MYOF: variants seen among roughly 807,000 people sequenced by gnomAD.
MYOF encodes the protein myoferlin, also known as fer-1-like 3, myoferlin.
A neutral mutation model predicts 284.2 loss-of-function variants in MYOF; 244 were observed. That is an observed-to-expected ratio of 0.86 (90% CI 0.77 to 0.95). The LOEUF is 0.95. Among genes scored for constraint, MYOF ranks in the 40% least tolerant of loss-of-function variants. MYOF has a pLI of 0.00. For missense variants in MYOF, 2,496 were observed against 2,560.6 expected (o/e 0.97, Z 0.54); for synonymous variants, 904 against 919.7 (o/e 0.98, Z 0.31).
chr10:93,409,650 C>T lies in MYOF; in HGVS notation c.523G>A (p.Glu175Lys). 1.9e-6 allele frequency: 3 copies of T among 1,614,236 alleles called. No homozygotes were observed. The highest frequency in any genetic ancestry group is 2.5e-6 in the Non-Finnish European group (3 of 1,180,048). ...GTGAGCCTCCGAGCAAGCTGAGCTT[C>T]CGACACCGTCCCAACTGGCCCCTTG... Reference protein sequence around the residue: ...GPKGPVGTVSEAQLARRLTKV... With the variant: ...GPKGPVGTVSKAQLARRLTKV... The change falls in exon 6 of 54, where the codon GAA becomes AAA. Residue 175 changes from glutamate to lysine, a missense_variant. Around this residue, in one of 3 missense-constraint regions of MYOF, gnomAD observed 2,436 missense variants for 2,480.7 expected, o/e 0.98. Coordinates refer to ENST00000359263, the MANE Select transcript of MYOF (RefSeq NM_013451.4).
At chr10:93,432,249 G>T (rs1848906093) in intron 3 of MYOF, among the ~76,000 whole-genome samples, 1 of 152,050 alleles carries the variant, frequency 6.6e-6, no homozygotes, top group Non-Finnish European at 1.5e-5. Flanking sequence ...TTAATGGGGT[G>T]TGATGATGCA....
chr10:93,419,311 T>C (rs1441504131), intron 5 of MYOF, among the ~76,000 whole-genome samples: 1 of 152,236 alleles, frequency 6.6e-6, no homozygotes, highest in East Asian at 1.9e-4. Context: ...TACAGATGCA[T>C]GCAACCACGC....
intron 3 of MYOF, among the ~76,000 whole-genome samples, chr10:93,438,214 G>GC: frequency 6.6e-6 from 1 of 151,930 alleles, no homozygotes. Flanking sequence ...CTCCTCCTTG[G>GC]CTATCAATTC....
At chr10:93,426,385 G>A (rs981716919) in intron 4 of MYOF, among the ~76,000 whole-genome samples, 4 of 152,158 alleles carry the variant, frequency 2.6e-5, no homozygotes, top group African/African-American at 9.7e-5. Flanking sequence ...AGGTTGCCAA[G>A]TGTATCCTTG....
At chr10:93,313,315 T>G in intron 50 of MYOF, 105 bp from the exon 51 acceptor site, 1 of 1,107,904 alleles carries the variant, frequency 9.0e-7, no homozygotes, top group Non-Finnish European at 1.3e-6. Context: ...ACAGTGATTT[T>G]GAACAGGTAA....
intron 38 of MYOF, among the ~76,000 whole-genome samples, chr10:93,342,179 C>A (rs1843953891): frequency 6.6e-6 from 1 of 152,202 alleles, no homozygotes; most frequent in South Asian, 2.1e-4. Context: ...CCTCCAGCCC[C>A]CAGCAACAGC....
intron 37 of MYOF, 51 bp downstream of exon 37, chr10:93,347,566 A>AAAAAAAAAAAAT (rs761936617): frequency 3.6e-4 from 437 of 1,219,752 alleles, no homozygotes; most frequent in East Asian, 2.0e-3. Flanking sequence ...CTCAAAAAAA[A>AAAAAAAAAAAAT]AAAAAAAAAA....
chr10:93,366,310 A>G (rs1309724956), intron 26 of MYOF, 82 bp downstream of exon 26: 1 of 1,410,780 alleles, frequency 7.1e-7, no homozygotes, highest in African/African-American at 1.4e-5. Context: ...TATCAAGATG[A>G]TGACGGAGAT....
At chr10:93,372,846 T>G (rs1845652074) in intron 24 of MYOF, 84 bp downstream of exon 24, 1 of 1,491,386 alleles carries the variant, frequency 6.7e-7, no homozygotes, top group Non-Finnish European at 9.3e-7. Context: ...ATTCAATGAT[T>G]TGCAAATGAT....
chr10:93,338,301 G>A (rs1005962517), intron 39 of MYOF: 1 of 458,362 alleles, frequency 2.2e-6, no homozygotes, highest in African/African-American at 2.0e-5. Flanking sequence ...CATTTTCTTA[G>A]CCCTTTTAGC....
At chr10:93,353,736 G>T in intron 32 of MYOF, 75 bp downstream of exon 32, 1 of 1,224,982 alleles carries the variant, frequency 8.2e-7, no homozygotes, top group Non-Finnish European at 1.2e-6. Context: ...ATGACAAAAA[G>T]CATTCACTCG....
At chr10:93,378,667 A>G (rs1323836524) in intron 21 of MYOF, among the ~76,000 whole-genome samples, 1 of 116,954 alleles carries the variant, frequency 8.6e-6, no homozygotes, top group Non-Finnish European at 1.7e-5. Context: ...GTATATGTGT[A>G]TATGTGTGTG....
intron 7 of MYOF, among the ~76,000 whole-genome samples, 154 bp from the exon 8 acceptor site, chr10:93,404,373 A>T (rs935954398): frequency 1.3e-5 from 2 of 152,258 alleles, no homozygotes; most frequent in Admixed American, 1.3e-4. Flanking sequence ...CCTGGAGTTT[A>T]AGCCCTGCAG....
intron 44 of MYOF, 118 bp from the exon 45 acceptor site, chr10:93,329,029 C>T (rs762761947): frequency 2.5e-5 from 25 of 989,522 alleles, no homozygotes; most frequent in Middle Eastern, 3.7e-4. Context: ...AGAAAATCTG[C>T]GCTACACTCT....
In MYOF at chr10:93,349,984, T is replaced by G; in HGVS notation, c.3922-15A>C. 6 of 1,610,670 alleles carry G rather than the reference T, an allele frequency of 3.7e-6. No individual in the cohort carries two copies. The highest frequency in any genetic ancestry group is 5.1e-6 in the Non-Finnish European group (6 of 1,178,258). On this transcript the variant is annotated splice_polypyrimidine_tract_variant and intron_variant, in intron 35 of 53. Coordinates refer to ENST00000359263, the MANE Select transcript of MYOF (RefSeq NM_013451.4). ...CAAGCTAGAATCTATGAAAACGATT[T>G]AAAGAGAGGGGAAGGTAACTCAGCA...
intron 19 of MYOF, among the ~76,000 whole-genome samples, chr10:93,385,884 G>A (rs1846341267): frequency 6.7e-6 from 1 of 150,068 alleles, no homozygotes; most frequent in Admixed American, 6.6e-5. Context: ...AATGAAATAA[G>A]CTTCTTTGCC....
chr10:93,334,189 T>C (rs959635942), intron 41 of MYOF, among the ~76,000 whole-genome samples: 3 of 152,232 alleles, frequency 2.0e-5, no homozygotes, highest in South Asian at 4.1e-4. Context: ...GAGGTGGTGG[T>C]GAGAAAGAGT....
Position 93,333,291 on chromosome 10 carries a change from TTA to T in MYOF, c.4739_4740del (p.Ile1580AsnfsTer8). 1 of 1,614,122 alleles carries T rather than the reference TTA, an allele frequency of 6.2e-7. No individual in the cohort carries two copies. The highest frequency in any genetic ancestry group is 8.5e-7 in the Non-Finnish European group (1 of 1,179,958). ...TCTTCAATGACTTTTTTGCCCAGTG[TTA>T]TTTTTATGTAAGGGTCACACTGTGG... ...NNGLCDPYIK[I>X]TLGKKVIEDR... is the part of the protein sequence containing the mutation. On this transcript the variant is annotated frameshift_variant, in exon 43 of 54. Coordinates refer to ENST00000359263, the MANE Select transcript of MYOF (RefSeq NM_013451.4). LOFTEE classifies it high-confidence loss of function.
chr10:93,316,574 T>C lies in MYOF; in HGVS notation c.5698+140A>G, dbSNP rs1220581060. ...CACTGCCAAGAGCTCACACAAGCAC[T>C]GGGTGTATCCCCTGTCCCCCCACCA... On this transcript the variant is annotated intron_variant, in intron 50 of 53. Coordinates refer to ENST00000359263, the MANE Select transcript of MYOF (RefSeq NM_013451.4). 1.8e-5 allele frequency: 13 copies of C among 715,396 alleles called. No individual in the cohort carries two copies. In the East Asian group the frequency reaches 2.9e-4, roughly 16 times the overall value. The allele number at this position is 715,396 out of a possible 1,614,324, so 44.3% of individuals were successfully genotyped here. A position where few individuals can be genotyped will look rare whatever the true frequency, so the allele number is the denominator to read the frequency against.
Sources: allele counts gnomAD v4.1 joint callset (sites outside exome capture counted in the v4.1 genomes callset), GRCh38; gene constraint gnomAD v4.1.1; regional missense constraint gnomAD v4.1.1; transcripts MANE v1.5; gene names NCBI Gene and HGNC (gene_info 2026-07-23, HGNC 2026-07-21).